Variants in KAT7 observed in about 807,000 individuals in gnomAD.
The protein encoded by KAT7 is lysine acetyltransferase 7, also known as histone acetyltransferase KAT7.
In KAT7, 10 loss-of-function variants were observed where a neutral mutation model predicts 82.1. That is an observed-to-expected ratio of 0.12 (90% CI 0.08 to 0.21). The LOEUF is 0.21. Among genes scored for constraint, KAT7 ranks in the 10% least tolerant of loss-of-function variants. The probability of loss-of-function intolerance (pLI) is 1.00; values close to 1 mark genes in which losing one functional copy is unlikely to be tolerated. For synonymous variants in KAT7, 250 were observed against 262.5 expected (o/e 0.95, Z 0.46); for missense variants, 378 against 760.9 (o/e 0.50, Z 5.92).
intron 11 of KAT7, 138 bp from the exon 12 acceptor site, chr17:49,823,064 G>C: frequency 1.6e-6 from 1 of 613,768 alleles, no homozygotes; most frequent in Non-Finnish European, 2.9e-6. Flanking sequence ...GGTTATAACA[G>C]CTGTGAGCCT....
chr17:49,819,931 A>G (rs1023714093), intron 9 of KAT7, among the ~76,000 whole-genome samples: 3 of 152,236 alleles, frequency 2.0e-5, no homozygotes, highest in Non-Finnish European at 4.4e-5. Context: ...TGAGTTGACA[A>G]AAAGAGTTGC....
At chr17:49,810,009 G>T (rs2074141875) in intron 6 of KAT7, among the ~76,000 whole-genome samples, 1 of 152,196 alleles carries the variant, frequency 6.6e-6, no homozygotes, top group Non-Finnish European at 1.5e-5. Context: ...TGATGAGGAA[G>T]AAGTTTGACT....
chr17:49,813,395 C>G (rs2143936754), intron 7 of KAT7, among the ~76,000 whole-genome samples: 1 of 152,052 alleles, frequency 6.6e-6, no homozygotes, highest in East Asian at 1.9e-4. Context: ...TTTTTTCTGA[C>G]ATTTTAGTTT....
chr17:49,802,352 A>G (rs2143885120), intron 4 of KAT7, among the ~76,000 whole-genome samples: 1 of 152,302 alleles, frequency 6.6e-6, no homozygotes, highest in Non-Finnish European at 1.5e-5. Flanking sequence ...AAAAGAAAAC[A>G]TGCCCTGAAT....
chr17:49,809,071 C>G (rs370833852), intron 5 of KAT7, 48 bp from the exon 6 acceptor site: 1 of 1,415,776 alleles, frequency 7.1e-7, no homozygotes, highest in African/African-American at 1.4e-5. Flanking sequence ...TTTAAGTAAA[C>G]GTAGTCTTAG....
intron 12 of KAT7, 118 bp from the exon 13 acceptor site, chr17:49,825,882 T>C (rs1370384086): frequency 2.9e-6 from 3 of 1,027,050 alleles, no homozygotes; most frequent in Non-Finnish European, 4.3e-6. Context: ...ATTGAATGAC[T>C]AAATCCTAAT....
At chr17:49,791,427 G>A (rs929590946) in intron 1 of KAT7, among the ~76,000 whole-genome samples, 4 of 152,200 alleles carry the variant, frequency 2.6e-5, no homozygotes, top group African/African-American at 9.7e-5. Context: ...GGAGGCCAAG[G>A]CGGGTGGATC....
rs778263939 is a variant in KAT7, at chr17:49,830,208, T to TTAA, written c.*2706_*2707insTAA. The TTAA allele has an allele frequency of 8.0e-4, 67 of 84,154 alleles. No homozygotes were observed. The highest frequency in any genetic ancestry group is 3.4e-3 in the African/African-American group (58 of 17,182). 5.2% of individuals were successfully genotyped at this position (84,154 alleles called of 1,614,324 possible). ...TTTTTTTTTTTTTTTTTTTTTTTTT[T>TTAA]AAAAAAAGACAGTCTCACTCTATCA... On this transcript the variant is annotated 3_prime_UTR_variant, in exon 15 of 15. Coordinates refer to ENST00000259021, the MANE Select transcript of KAT7 (RefSeq NM_007067.5).
intron 1 of KAT7, chr17:49,789,063 C>G (rs551298235): frequency 4.7e-6 from 2 of 421,334 alleles, no homozygotes; most frequent in Non-Finnish European, 8.6e-6. Flanking sequence ...CTCTGCTTGC[C>G]TGGATCGGAG....
intron 9 of KAT7, among the ~76,000 whole-genome samples, chr17:49,819,143 A>G (rs935502460): frequency 1.3e-5 from 2 of 152,034 alleles, no homozygotes; most frequent in Admixed American, 6.6e-5. Flanking sequence ...TTGAGCATCT[A>G]TGACCCAGGT....
At chr17:49,823,584 A>G (rs1241302080) in intron 12 of KAT7, 6 of 288,510 alleles carry the variant, frequency 2.1e-5, no homozygotes, top group South Asian at 9.4e-5. Context: ...ACATACATGC[A>G]TGAGGCTTAA....
chr17:49,802,847 T>G (rs2074041656), intron 4 of KAT7, among the ~76,000 whole-genome samples: 1 of 152,088 alleles, frequency 6.6e-6, no homozygotes, highest in Non-Finnish European at 1.5e-5. Context: ...CACCTCAGCC[T>G]TCTGAGTAGC....
At chr17:49,805,330 TTTCTTGAGA>T in intron 4 of KAT7, 24 bp from the exon 5 acceptor site, 1 of 1,445,652 alleles carries the variant, frequency 6.9e-7, no homozygotes. Context: ...GCTTGTCTTC[TTTCTTGAGA>T]TTAAGTTTTC....
intron 7 of KAT7, chr17:49,815,271 T>G (rs1192395318): frequency 6.6e-6 from 1 of 152,392 alleles, no homozygotes; most frequent in Non-Finnish European, 1.5e-5. Flanking sequence ...GCAATTCAAG[T>G]GAAAGAAGTT....
Position 49,788,870 on chromosome 17 carries a change from G to C in KAT7, c.15+21G>C, listed in dbSNP as rs373968364. On this transcript the variant is annotated intron_variant, in intron 1 of 14. Transcript: ENST00000259021. Reference sequence around the variant, plus strand: ...GGAAGGTGAGAAACGGGAGAGGAGGGATGGCGGGTTTCTAAGGACAGTCGA... The same window carrying C: ...GGAAGGTGAGAAACGGGAGAGGAGGCATGGCGGGTTTCTAAGGACAGTCGA... The C allele has an allele frequency of 2.0e-5, 32 of 1,580,360 alleles. No homozygotes were observed. The African/African-American group carries it at 4.4e-4, about 22-fold the overall frequency.
Position 49,825,996 on chromosome 17 carries a change from G to A in KAT7, c.1481-4G>A, listed in dbSNP as rs373834269. 185 of 1,606,416 alleles carry A rather than the reference G, an allele frequency of 1.2e-4. No homozygotes were observed. Among genetic ancestry groups the A allele is most frequent in the Non-Finnish European group, 1.5e-4 (178 of 1,174,946 alleles). Reference sequence around the variant, plus strand: ...AGAAAAAGTCTGTATTTGTTCCCTGGCAGGTTATTTGCTTTCCAAAGTCGA... The same window carrying A: ...AGAAAAAGTCTGTATTTGTTCCCTGACAGGTTATTTGCTTTCCAAAGTCGA... On this transcript the variant is annotated splice_region_variant and splice_polypyrimidine_tract_variant and intron_variant, in intron 12 of 14. Transcript: ENST00000259021.
At chr17:49,810,431 A>G (rs2074148175) in intron 6 of KAT7, among the ~76,000 whole-genome samples, 1 of 151,962 alleles carries the variant, frequency 6.6e-6, no homozygotes, top group East Asian at 1.9e-4. Context: ...TAATTTTTGT[A>G]TTTTTAGTAG....
chr17:49,805,544 G>A lies in KAT7; in HGVS notation c.663+99G>A, dbSNP rs1298933736. ...GGGGATACAGTGGCCAACAAGATGGGTAGGGTCCTTGTTCTTACATTGTAG... is the reference window on the plus strand; with the variant it reads ...GGGGATACAGTGGCCAACAAGATGGATAGGGTCCTTGTTCTTACATTGTAG... On this transcript the variant is annotated intron_variant, in intron 5 of 14. Coordinates refer to ENST00000259021, the MANE Select transcript of KAT7 (RefSeq NM_007067.5). The A allele has an allele frequency of 9.5e-6, 7 of 735,102 alleles. No individual in the cohort carries two copies. The Admixed American group carries it at 9.7e-5, about 10-fold the overall frequency. The allele number at this position is 735,102 out of a possible 1,614,324, so 45.5% of individuals were successfully genotyped here.
chr17:49,808,779 T>C (rs558457222), intron 5 of KAT7, among the ~76,000 whole-genome samples: 41 of 152,196 alleles, frequency 2.7e-4, no homozygotes, highest in Non-Finnish European at 5.1e-4. Flanking sequence ...ATGTTTTCTT[T>C]GTACTTCCAT....
Sources: allele counts gnomAD v4.1 joint callset (sites outside exome capture counted in the v4.1 genomes callset), GRCh38; gene constraint gnomAD v4.1.1; transcripts MANE v1.5; gene names NCBI Gene and HGNC (gene_info 2026-07-23, HGNC 2026-07-21).